TAFA2: variants seen among roughly 807,000 people sequenced by gnomAD.
TAFA2 encodes the protein chemokine-like protein TAFA-2.
A neutral mutation model predicts 18.8 loss-of-function variants in TAFA2; 7 were observed. That is an observed-to-expected ratio of 0.37 (90% CI 0.21 to 0.70). The LOEUF (loss-of-function observed/expected upper bound fraction) is 0.70. TAFA2 is among the 30% of genes least tolerant of loss of function. The probability of loss-of-function intolerance (pLI) is 0.53; values close to 1 mark genes in which losing one functional copy is unlikely to be tolerated. For synonymous variants in TAFA2, 60 were observed against 54.2 expected (o/e 1.11, Z -0.47); for missense variants, 122 against 158.1 (o/e 0.77, Z 1.23).
chr12:61,845,898 A>C (rs1365063483), intron 2 of TAFA2, among the ~76,000 whole-genome samples: 1 of 152,186 alleles, frequency 6.6e-6, no homozygotes, highest in African/African-American at 2.4e-5. Flanking sequence ...TAGAATATAA[A>C]AATGGTTTCC....
At chr12:62,076,787 TTATCACGCAAA>T (rs1452599794) in intron 1 of TAFA2, among the ~76,000 whole-genome samples, 5 of 152,236 alleles carry the variant, frequency 3.3e-5, no homozygotes, top group Non-Finnish European at 7.3e-5. Context: ...AATTGATTTC[TTATCACGCAAA>T]TATCTTCATG....
chr12:62,081,005 T>C (rs886464902), intron 1 of TAFA2, among the ~76,000 whole-genome samples: 1 of 152,106 alleles, frequency 6.6e-6, no homozygotes, highest in Admixed American at 6.5e-5. Context: ...CCATTCTGCC[T>C]GACACGGTGA....
chr12:61,850,739 T>C (rs1428471001), intron 2 of TAFA2, among the ~76,000 whole-genome samples: 1 of 152,080 alleles, frequency 6.6e-6, no homozygotes. Flanking sequence ...ATTATTCATT[T>C]CATAGACGAA....
chr12:62,204,238 G>A (rs764615513), intron 1 of TAFA2, among the ~76,000 whole-genome samples: 1 of 152,090 alleles, frequency 6.6e-6, no homozygotes, highest in Admixed American at 6.5e-5. Context: ...CTTTGTAGGT[G>A]ACCTGGCCTT....
chr12:62,058,129 G>T (rs1031682558), intron 1 of TAFA2, among the ~76,000 whole-genome samples: 21 of 151,998 alleles, frequency 1.4e-4, no homozygotes, highest in African/African-American at 5.1e-4. Flanking sequence ...CTGTCTCCTG[G>T]TTTCCATTCT....
intron 2 of TAFA2, among the ~76,000 whole-genome samples, chr12:61,780,507 A>G (rs180804606): frequency 1.3e-5 from 2 of 151,842 alleles, no homozygotes; most frequent in East Asian, 3.9e-4. Flanking sequence ...GCCCCTTTGT[A>G]TTAATATAAA....
At chr12:62,094,638 T>C (rs1417655809) in intron 1 of TAFA2, among the ~76,000 whole-genome samples, 1 of 152,074 alleles carries the variant, frequency 6.6e-6, no homozygotes, top group Non-Finnish European at 1.5e-5. Flanking sequence ...TTGGCTAACA[T>C]TGAATGCTTA....
chr12:62,006,672 A>T (rs1038974773), intron 1 of TAFA2, among the ~76,000 whole-genome samples: 9 of 152,174 alleles, frequency 5.9e-5, no homozygotes, highest in African/African-American at 2.2e-4. Context: ...TTACCGAGGA[A>T]ACTGTCAATA....
chr12:62,112,169 G>A (rs1466729449), intron 1 of TAFA2, among the ~76,000 whole-genome samples: 2 of 152,140 alleles, frequency 1.3e-5, no homozygotes, highest in African/African-American at 4.8e-5. Context: ...AGGAGCTCTT[G>A]TAAGGCAGGT....
intron 2 of TAFA2, among the ~76,000 whole-genome samples, chr12:61,772,068 A>G (rs1396235868): frequency 6.6e-6 from 1 of 152,000 alleles, no homozygotes; most frequent in African/African-American, 2.4e-5. Flanking sequence ...TACCACAGAA[A>G]TACAAAAGAT....
At chr12:61,944,438 A>G (rs1878175653) in intron 1 of TAFA2, among the ~76,000 whole-genome samples, 1 of 127,282 alleles carries the variant, frequency 7.9e-6, no homozygotes, top group Admixed American at 7.9e-5. Flanking sequence ...AGCAGAAGGC[A>G]AGAAATAACT....
At chr12:61,978,488 A>T (rs578250788) in intron 1 of TAFA2, among the ~76,000 whole-genome samples, 1 of 152,034 alleles carries the variant, frequency 6.6e-6, no homozygotes, top group South Asian at 2.1e-4. Flanking sequence ...ATGAGAAAGA[A>T]AGGAGGATTG....
chr12:62,235,092 T>G, intron 1 of TAFA2: 2 of 624,970 alleles, frequency 3.2e-6, no homozygotes, highest in Admixed American at 1.9e-5. Flanking sequence ...CCTGGCCACC[T>G]TTGGAGTACT....
chr12:61,891,772 G>A (rs565589960), intron 1 of TAFA2, among the ~76,000 whole-genome samples: 1 of 152,156 alleles, frequency 6.6e-6, no homozygotes, highest in Non-Finnish European at 1.5e-5. Flanking sequence ...ATAGAGAGAA[G>A]GCAGTGTGGG....
intron 2 of TAFA2, among the ~76,000 whole-genome samples, chr12:61,838,555 G>A (rs1201128676): frequency 6.6e-6 from 1 of 152,000 alleles, no homozygotes; most frequent in African/African-American, 2.4e-5. Context: ...GGAGAGCTAG[G>A]ATCATGTGGG....
intron 1 of TAFA2, chr12:62,258,578 C>T (rs1374276408): frequency 2.2e-5 from 4 of 180,512 alleles, no homozygotes; most frequent in East Asian, 3.6e-4. Flanking sequence ...GTACAATTCA[C>T]CCTGTCATCA....
chr12:61,739,123 A>G (rs1868357389), intron 4 of TAFA2, among the ~76,000 whole-genome samples: 1 of 152,078 alleles, frequency 6.6e-6, no homozygotes, highest in African/African-American at 2.4e-5. Context: ...CCAGATGTGG[A>G]AACTGAGGAG....
intron 2 of TAFA2, among the ~76,000 whole-genome samples, chr12:61,851,723 C>T (rs1873659408): frequency 8.6e-6 from 1 of 116,584 alleles, no homozygotes; most frequent in Non-Finnish European, 1.6e-5. Flanking sequence ...TGCAGTGAAC[C>T]GAGATTGTGC....
At chr12:62,239,350 T>C (rs370971525) in intron 1 of TAFA2, among the ~76,000 whole-genome samples, 3 of 152,238 alleles carry the variant, frequency 2.0e-5, no homozygotes, top group East Asian at 3.8e-4. Flanking sequence ...TATCTCTGTA[T>C]TTTAACTACC....
Sources: allele counts gnomAD v4.1 joint callset (sites outside exome capture counted in the v4.1 genomes callset), GRCh38; gene constraint gnomAD v4.1.1; transcripts MANE v1.5; gene names NCBI Gene and HGNC (gene_info 2026-07-23, HGNC 2026-07-21).